The following CNTRL variants were observed in gnomAD, a reference collection of about 807,000 sequenced individuals.
CNTRL encodes 110 kDa centrosomal protein.
CNTRL carries 233 observed loss-of-function variants against 303.7 expected under a neutral mutation model. That is an observed-to-expected ratio of 0.77 (90% CI 0.69 to 0.86). The LOEUF (loss-of-function observed/expected upper bound fraction) is 0.86. Ranked by LOEUF, CNTRL falls within the 40% of genes least tolerant of loss-of-function variation. The pLI, the probability that CNTRL is intolerant of heterozygous loss-of-function variation, is 0.00. For missense variants in CNTRL, 2,524 were observed against 2,650.6 expected, an observed-to-expected ratio of 0.95 and a Z score of 1.05; for synonymous variants, 900 against 922.2, an observed-to-expected ratio of 0.98 and a Z score of 0.44.
chr9:121,124,702 C>T (rs1180013891), intron 13 of CNTRL, among the ~76,000 whole-genome samples: 2 of 149,360 alleles, frequency 1.3e-5, no homozygotes, highest in Non-Finnish European at 3.0e-5. Flanking sequence ...CTTTGGGAGG[C>T]TGAGGCGGGC....
chr9:121,166,022 T>A, intron 35 of CNTRL, 85 bp from the exon 36 acceptor site: 1 of 1,013,040 alleles, frequency 9.9e-7, no homozygotes, highest in Non-Finnish European at 1.5e-6. Flanking sequence ...TTAAAACAAC[T>A]TCTCTACTTT....
chr9:121,159,045 AAG>A (rs2052725727), intron 31 of CNTRL, 26 bp downstream of exon 31: 2 of 1,607,890 alleles, frequency 1.2e-6, no homozygotes, highest in African/African-American at 1.3e-5. Context: ...GGGTTTTCTG[AAG>A]AGTCGTAGGA....
At chr9:121,159,694 A>G (rs993059862) in intron 31 of CNTRL, among the ~76,000 whole-genome samples, 2 of 152,030 alleles carry the variant, frequency 1.3e-5, no homozygotes, top group African/African-American at 4.8e-5. Flanking sequence ...AAAAAAAAAA[A>G]AAAGAAAACT....
intron 26 of CNTRL, 127 bp from the exon 27 acceptor site, chr9:121,154,594 G>T: frequency 1.7e-6 from 1 of 594,132 alleles, no homozygotes; most frequent in South Asian, 2.2e-5. Context: ...ATCAAATGTA[G>T]CAGTCTTTCT....
At chr9:121,123,877 T>G (rs79664017) in intron 12 of CNTRL, 54 bp from the exon 13 acceptor site, 32,661 of 1,410,452 alleles carry the variant, frequency 0.023, 583 homozygotes, top group Middle Eastern at 0.04. Context: ...GGGTTATTAC[T>G]TTTAAAGGAG....
At position 121,173,729 on chromosome 9, in the gene CNTRL, C is replaced by T. The variant is rs149831066; in HGVS notation, c.6739C>T (p.Arg2247Ter). ...LREKLRHRED[R>*]LKAQLRHCMS... ...GGAGAAACTGCGTCACCGGGAAGAC[C>T]GACTCAAGGTTGCCCTTTAAAACAA... The change falls in exon 42 of 44, where the codon CGA (arginine) becomes TGA (stop). Residue 2247 changes from arginine to a stop codon, truncating the protein, a stop_gained. Coordinates refer to ENST00000373855, the MANE Select transcript of CNTRL (RefSeq NM_007018.6). LOFTEE classifies it high-confidence loss of function. 10 of 1,613,842 alleles carry T rather than the reference C, an allele frequency of 6.2e-6. No individual in the cohort carries two copies. In the African/African-American group the frequency reaches 6.7e-5, roughly 11 times the overall value.
chr9:121,102,867 A>T (rs139452937), intron 7 of CNTRL, among the ~76,000 whole-genome samples: 12,555 of 152,208 alleles, frequency 0.082, 548 homozygotes, highest in Non-Finnish European at 0.11. Context: ...CTTCAAGGAG[A>T]ATTACAAACC....
chr9:121,166,234 T>A, intron 36 of CNTRL, 54 bp downstream of exon 36: 1 of 1,279,408 alleles, frequency 7.8e-7, no homozygotes, highest in Non-Finnish European at 1.1e-6. Flanking sequence ...TGCAGACCAT[T>A]GGTTTAAATA....
chr9:121,116,830 A>C (rs2049998617), intron 11 of CNTRL, among the ~76,000 whole-genome samples: 1 of 152,200 alleles, frequency 6.6e-6, no homozygotes, highest in South Asian at 2.1e-4. Flanking sequence ...GTGGAGAGAA[A>C]GCCAGCTGAT....
chr9:121,082,555 A>G (rs1177852621), intron 2 of CNTRL, among the ~76,000 whole-genome samples: 1 of 152,250 alleles, frequency 6.6e-6, no homozygotes, highest in Non-Finnish European at 1.5e-5. Flanking sequence ...CATAGAATGT[A>G]CTTACACAAA....
chr9:121,146,076 T>C, intron 22 of CNTRL, 32 bp from the exon 23 acceptor site: 3 of 1,552,012 alleles, frequency 1.9e-6, no homozygotes, highest in Non-Finnish European at 2.6e-6. Flanking sequence ...AGTGATTTCA[T>C]ATCAATTTCA....
At chr9:121,130,436 C>T (rs946132360) in intron 14 of CNTRL, among the ~76,000 whole-genome samples, 5 of 152,142 alleles carry the variant, frequency 3.3e-5, no homozygotes, top group African/African-American at 9.7e-5. Context: ...TTATAGTATT[C>T]TCTGATGGTA....
rs111504302 is a variant in CNTRL at position 121,166,506 on chromosome 9, C to G, written c.5655+326C>G. 1.1e-3 allele frequency among the ~76,000 whole-genome samples: 171 copies of G among 152,332 alleles called. 1 individual carries two copies. The highest frequency in any genetic ancestry group is 2.7e-3 in the African/African-American group (111 of 41,566). On this transcript the variant is annotated intron_variant, in intron 36 of 43. Coordinates refer to ENST00000373855, the MANE Select transcript of CNTRL (RefSeq NM_007018.6). ...GATGGGCCATCTCTCATCCATGACA[C>G]AGATGAGGCCTCTAAAGGCTGGGCT...
intron 7 of CNTRL, among the ~76,000 whole-genome samples, chr9:121,100,704 G>A (rs2049118333): frequency 1.3e-5 from 2 of 152,182 alleles, no homozygotes; most frequent in Admixed American, 1.3e-4. Context: ...AAAATAAAGG[G>A]ATGGAGGAAG....
chr9:121,149,604 A>C (rs981149836), intron 24 of CNTRL, among the ~76,000 whole-genome samples: 1 of 151,806 alleles, frequency 6.6e-6, no homozygotes, highest in African/African-American at 2.4e-5. Flanking sequence ...TGAGGGTTTC[A>C]CCATATTAGA....
At chr9:121,116,323 T>A (rs1395158732) in intron 11 of CNTRL, among the ~76,000 whole-genome samples, 1 of 152,108 alleles carries the variant, frequency 6.6e-6, no homozygotes, top group Non-Finnish European at 1.5e-5. Context: ...TAGAGGAAGA[T>A]AAAGAGTCTT....
intron 2 of CNTRL, among the ~76,000 whole-genome samples, chr9:121,081,693 A>C (rs1276006626): frequency 2.0e-5 from 3 of 152,250 alleles, no homozygotes. Flanking sequence ...GTACGTGGAA[A>C]GGGGTATGAA....
intron 2 of CNTRL, 24 bp downstream of exon 2, chr9:121,080,502 T>C (rs1198794150): frequency 6.6e-6 from 1 of 152,200 alleles, no homozygotes; most frequent in Non-Finnish European, 1.5e-5. Context: ...CCTCAGTAAA[T>C]GTTAGCCACT....
chr9:121,166,771 C>T (rs1022218592), intron 36 of CNTRL, among the ~76,000 whole-genome samples: 2 of 152,162 alleles, frequency 1.3e-5, no homozygotes, highest in Non-Finnish European at 2.9e-5. Context: ...CCTGTAATCC[C>T]AGCACTTTGG....
Sources: allele counts gnomAD v4.1 joint callset (sites outside exome capture counted in the v4.1 genomes callset), GRCh38; gene constraint gnomAD v4.1.1; transcripts MANE v1.5; gene names NCBI Gene and HGNC (gene_info 2026-07-23, HGNC 2026-07-21).